Variants in EMILIN2 observed in about 807,000 individuals in gnomAD.
EMILIN2 encodes elastin microfibril interfacer 2, also known as EMILIN-2.
In EMILIN2, 71 loss-of-function variants were observed where a neutral mutation model predicts 87.1. That is an observed-to-expected ratio of 0.82 (90% CI 0.67 to 0.99). The LOEUF (loss-of-function observed/expected upper bound fraction) is 0.99. Among genes scored for constraint, EMILIN2 ranks in the 50% least tolerant of loss-of-function variants. EMILIN2 has a pLI of 0.00. For synonymous variants in EMILIN2, 581 were observed against 563.4 expected (o/e 1.03, Z -0.44); for missense variants, 1,407 against 1,371.8 (o/e 1.03, Z -0.40).
intron 5 of EMILIN2, 21 bp downstream of exon 5, chr18:2,907,106 G>T: frequency 2.4e-6 from 3 of 1,233,284 alleles, no homozygotes; most frequent in Non-Finnish European, 3.0e-6. Context: ...GGGCTGCGCG[G>T]GGAGGAGCGC....
At chr18:2,859,032 G>A (rs2076647163) in intron 2 of EMILIN2, among the ~76,000 whole-genome samples, 4 of 152,104 alleles carry the variant, frequency 2.6e-5, no homozygotes, top group African/African-American at 9.7e-5. Context: ...AAATATTTAC[G>A]TGTAAGTATC....
At chr18:2,883,469 G>C (rs2076787508) in intron 2 of EMILIN2, among the ~76,000 whole-genome samples, 1 of 152,218 alleles carries the variant, frequency 6.6e-6, no homozygotes, top group South Asian at 2.1e-4. Context: ...GAAATGAAGA[G>C]GAGCTGAAGA....
At chr18:2,884,909 G>A in intron 2 of EMILIN2, 55 bp from the exon 3 acceptor site, 1 of 1,526,746 alleles carries the variant, frequency 6.5e-7, no homozygotes. Context: ...TCTAGCGCCG[G>A]AAGTTGCTTG....
At position 2,847,193 on chromosome 18, in the gene EMILIN2, G is replaced by T; in HGVS notation, c.5G>T (p.Trp2Leu). Reference sequence around the variant, plus strand: ...GGCGCGCCCGCTGCGCGCGGGATGTGGCAGCCCAGACGGCCCTGGCCCCGC... The same window carrying T: ...GGCGCGCCCGCTGCGCGCGGGATGTTGCAGCCCAGACGGCCCTGGCCCCGC... MWQPRRPWPRVP... is the reference protein window; with the variant it reads MLQPRRPWPRVP... The change falls in exon 1 of 8, where the codon TGG becomes TTG. Residue 2 changes from tryptophan (W) to leucine (L), a missense_variant. Physicochemically the swap from Trp to Leu is moderately conservative, Grantham distance 61. Coordinates refer to ENST00000254528, the MANE Select transcript of EMILIN2 (RefSeq NM_032048.3). This position sits in a 1 kb window ranked among gnomAD's most constrained non-coding sequence, Gnocchi z 4.5. The T allele has an allele frequency of 8.5e-7, 1 of 1,177,070 alleles. No individual in the cohort carries two copies. The highest frequency in any genetic ancestry group is 1.0e-6 in the Non-Finnish European group (1 of 955,444). 72.9% of individuals were successfully genotyped at this position (1,177,070 alleles called of 1,614,324 possible). A position where few individuals can be genotyped will look rare whatever the true frequency, so the allele number is the denominator to read the frequency against.
chr18:2,874,564 C>A (rs1403442042), intron 2 of EMILIN2, among the ~76,000 whole-genome samples: 1 of 152,158 alleles, frequency 6.6e-6, no homozygotes, highest in Non-Finnish European at 1.5e-5. Context: ...TTTCCAGAAA[C>A]ACCATGCCCC....
chr18:2,899,732 G>C (rs1439114381), intron 4 of EMILIN2, among the ~76,000 whole-genome samples: 1 of 152,100 alleles, frequency 6.6e-6, no homozygotes, highest in Non-Finnish European at 1.5e-5. Flanking sequence ...TCAAACTCCT[G>C]ACCTCAGGTG....
At chr18:2,910,578 ACGT>A (rs2076935952) in intron 7 of EMILIN2, among the ~76,000 whole-genome samples, 3 of 151,736 alleles carry the variant, frequency 2.0e-5, no homozygotes, top group Admixed American at 2.0e-4. Flanking sequence ...GTCTTTCCTG[ACGT>A]CTCTCTCTGC....
chr18:2,849,487 T>A (rs544490994), intron 2 of EMILIN2, among the ~76,000 whole-genome samples: 1 of 152,194 alleles, frequency 6.6e-6, no homozygotes, highest in South Asian at 2.1e-4. Context: ...AACCAAAGGA[T>A]GATTTAATTG....
intron 4 of EMILIN2, among the ~76,000 whole-genome samples, chr18:2,895,813 G>A (rs1387452013): frequency 6.6e-6 from 1 of 152,246 alleles, no homozygotes; most frequent in Non-Finnish European, 1.5e-5. Flanking sequence ...GTCTGCTCTT[G>A]AAGGGTGACG....
At chr18:2,865,623 G>C (rs1010357179) in intron 2 of EMILIN2, among the ~76,000 whole-genome samples, 2 of 152,194 alleles carry the variant, frequency 1.3e-5, no homozygotes, top group African/African-American at 2.4e-5. Context: ...TGCCCCTACT[G>C]GGGGGTGCCT....
Position 2,913,262 on chromosome 18 carries a change from C to T in EMILIN2, c.3020C>T (p.Ala1007Val), listed in dbSNP as rs368273436. 12 of 1,613,674 alleles carry T rather than the reference C, an allele frequency of 7.4e-6. No individual in the cohort carries two copies. The highest frequency in any genetic ancestry group is 6.7e-5 in the African/African-American group (5 of 74,930). Residue 1007 changes from alanine to valine, a missense_variant, in exon 8 of 8, where the codon GCA becomes GTA. Transcript: ENST00000254528. The stretch of plus-strand genomic sequence containing the variant: ...TTGCATACCTGCGGGGGCCCGGGGG[C>T]ATTCCACCTCATCGTGCACCTGAAG... ...GALHTCGGPG[A>V]FHLIVHLKAG...
intron 4 of EMILIN2, 62 bp from the exon 5 acceptor site, chr18:2,906,721 C>T: frequency 1.7e-6 from 2 of 1,182,732 alleles, no homozygotes; most frequent in Admixed American, 8.7e-5. Flanking sequence ...GGGACCCTGA[C>T]GGGGCAGTCA....
Position 2,890,651 on chromosome 18 carries a change from G to A in EMILIN2, c.524G>A (p.Gly175Glu), listed in dbSNP as rs116292140. 421 of 1,614,052 alleles carry A rather than the reference G, an allele frequency of 2.6e-4. 5 individuals are homozygous for A. In the East Asian group the frequency reaches 9.1e-3, roughly 35 times the overall value. Reference sequence around the variant, plus strand: ...AGCTGGGGGGTAGATCCAAAAGAGGGGCCTCAGGAACTTCAGGAAAAGAAG... The same window carrying A: ...AGCTGGGGGGTAGATCCAAAAGAGGAGCCTCAGGAACTTCAGGAAAAGAAG... The part of the protein sequence containing the change: ...QPSWGVDPKE[G>E]PQELQEKKIQ... Residue 175 changes from glycine to glutamate, a missense_variant, in exon 4 of 8, where the codon GGG becomes GAG. Physicochemically the swap from Gly to Glu is moderately conservative, Grantham distance 98 (BLOSUM62 -2). Coordinates refer to ENST00000254528, the MANE Select transcript of EMILIN2 (RefSeq NM_032048.3). This position sits in a 1 kb window ranked among gnomAD's most constrained non-coding sequence, Gnocchi z 4.7.
At chr18:2,879,424 C>T (rs2144014280) in intron 2 of EMILIN2, among the ~76,000 whole-genome samples, 1 of 152,212 alleles carries the variant, frequency 6.6e-6, no homozygotes, top group South Asian at 2.1e-4. Context: ...TTTGGGAGGC[C>T]AAGGCGGGCG....
At chr18:2,858,583 G>GTGTGTGTGTGTATATA (rs1180735843) in intron 2 of EMILIN2, among the ~76,000 whole-genome samples, 4 of 63,042 alleles carry the variant, frequency 6.3e-5, no homozygotes, top group African/African-American at 3.7e-4. Context: ...GTGTGTGTGT[G>GTGTGTGTGTGTATATA]TATATATATA....
chr18:2,850,093 A>ATTTTTTTTTTTTTTTTTTTTT, intron 2 of EMILIN2, among the ~76,000 whole-genome samples: 1 of 122,540 alleles, frequency 8.2e-6, no homozygotes, highest in Non-Finnish European at 1.7e-5. Context: ...TGCCCAGCTA[A>ATTTTTTTTTTTTTTTTTTTTT]TTTTTTTTTT....
chr18:2,911,115 C>T (rs2076938636), intron 7 of EMILIN2, among the ~76,000 whole-genome samples: 2 of 152,172 alleles, frequency 1.3e-5, no homozygotes, highest in South Asian at 4.1e-4. Flanking sequence ...AGTTTTAGAG[C>T]AGGAAGGAAA....
intron 2 of EMILIN2, among the ~76,000 whole-genome samples, chr18:2,879,522 G>C (rs981267489): frequency 1.3e-5 from 2 of 151,828 alleles, no homozygotes; most frequent in African/African-American, 2.4e-5. Context: ...TTAGCCAGGC[G>C]TGGTGGCACA....
chr18:2,853,601 A>G (rs1340253889), intron 2 of EMILIN2, among the ~76,000 whole-genome samples: 1 of 152,172 alleles, frequency 6.6e-6, no homozygotes, highest in Non-Finnish European at 1.5e-5. Context: ...TTCTTATAGC[A>G]ACCCTCTGGG....
Sources: gnomAD v4.1 joint callset for allele counts (sites outside exome capture counted in the v4.1 genomes callset) on GRCh38, gnomAD v4.1.1 for gene constraint, Gnocchi (gnomAD v3.1) non-coding constraint, MANE v1.5 for transcripts, NCBI Gene and HGNC (gene_info 2026-07-23, HGNC 2026-07-21) for gene names.